The following ADK variants were observed in gnomAD, a reference collection of about 807,000 sequenced individuals.
ADK encodes the protein N6,N6-dimethyladenosine kinase.
ADK carries 24 observed loss-of-function variants against 44.7 expected under a neutral mutation model. The ratio of observed to expected loss-of-function variants is 0.54; its 90% CI spans 0.39 to 0.76. The LOEUF (loss-of-function observed/expected upper bound fraction) is 0.76. Among genes scored for constraint, ADK ranks in the 30% least tolerant of loss-of-function variants. ADK has a pLI of 0.00. For synonymous variants in ADK, 128 were observed against 142.6 expected (o/e 0.90, Z 0.73); for missense variants, 321 against 425.1 (o/e 0.76, Z 2.15).
intron 4 of ADK, among the ~76,000 whole-genome samples, chr10:74,346,265 C>CA (rs998349579): frequency 6.6e-6 from 1 of 151,300 alleles, no homozygotes; most frequent in Admixed American, 6.6e-5. Context: ...ATATCATCAC[C>CA]AAAAAAAGTA....
intron 6 of ADK, among the ~76,000 whole-genome samples, chr10:74,478,391 T>TA (rs1294806308): frequency 2.0e-5 from 3 of 152,054 alleles, no homozygotes; most frequent in Non-Finnish European, 4.4e-5. Context: ...AGCTAATTTT[T>TA]AAAAAAAATT....
Position 74,268,417 on chromosome 10 carries a change from T to C in ADK, c.194+43826T>C, listed in dbSNP as rs193294249. Among the ~76,000 whole-genome samples the C allele has an allele frequency of 7.9e-5, 12 of 152,314 alleles. No homozygotes were observed. In the East Asian group the frequency reaches 2.3e-3, roughly 29 times the overall value. On this transcript the variant is annotated intron_variant, in intron 3 of 10. Coordinates refer to ENST00000539909, the MANE Select transcript of ADK (RefSeq NM_006721.4). ...GATTTTATTTCACTAGAATTTGTTT[T>C]TACTTTAATCTCATTTGTGCTACTT...
intron 6 of ADK, 96 bp downstream of exon 6, chr10:74,398,675 A>G: frequency 1.5e-6 from 1 of 666,032 alleles, no homozygotes. Flanking sequence ...TCTTTTATTT[A>G]CCCTGCAAAT....
chr10:74,213,952 T>A (rs898235129), intron 2 of ADK, among the ~76,000 whole-genome samples: 8 of 152,242 alleles, frequency 5.3e-5, no homozygotes, highest in Admixed American at 5.2e-4. Flanking sequence ...CTAGTCATTT[T>A]GAACAATTAT....
intron 3 of ADK, among the ~76,000 whole-genome samples, chr10:74,303,588 G>GTTTTTTGT (rs1840141336): frequency 5.8e-5 from 4 of 68,576 alleles, no homozygotes; most frequent in Non-Finnish European, 9.7e-5. Context: ...TTTTAATGTT[G>GTTTTTTGT]TTTTTTTTTT....
intron 1 of ADK, among the ~76,000 whole-genome samples, chr10:74,185,514 CA>C (rs1842715107): frequency 7.3e-6 from 1 of 137,124 alleles, no homozygotes; most frequent in Non-Finnish European, 1.6e-5. Flanking sequence ...AAAATGCCAA[CA>C]ATATAATTTT....
At chr10:74,299,493 C>G (rs1037697604) in intron 3 of ADK, among the ~76,000 whole-genome samples, 6 of 100,088 alleles carry the variant, frequency 6.0e-5, no homozygotes, top group African/African-American at 1.9e-4. Flanking sequence ...CAGCAAGACT[C>G]TGTCTCAAAA....
intron 4 of ADK, among the ~76,000 whole-genome samples, chr10:74,354,473 G>A (rs1285568199): frequency 6.6e-6 from 1 of 152,106 alleles, no homozygotes; most frequent in East Asian, 1.9e-4. Flanking sequence ...ATTACAACAA[G>A]TATTGGTTTT....
intron 4 of ADK, among the ~76,000 whole-genome samples, chr10:74,341,664 A>G (rs1410454900): frequency 2.6e-5 from 4 of 152,020 alleles, no homozygotes; most frequent in Non-Finnish European, 5.9e-5. Context: ...AATCCAGTGT[A>G]TGTTGGCTCT....
At chr10:74,361,391 T>C (rs1842332046) in intron 4 of ADK, among the ~76,000 whole-genome samples, 1 of 152,230 alleles carries the variant, frequency 6.6e-6, no homozygotes, top group Non-Finnish European at 1.5e-5. Flanking sequence ...TTATTGCTTT[T>C]TATCCATTTT....
intron 1 of ADK, among the ~76,000 whole-genome samples, chr10:74,198,041 A>C (rs942096582): frequency 2.0e-5 from 3 of 152,222 alleles, no homozygotes; most frequent in Admixed American, 1.3e-4. Flanking sequence ...CTGGATGCTT[A>C]CAAACGGTGA....
chr10:74,645,181 CTG>C (rs1854011858), intron 9 of ADK, among the ~76,000 whole-genome samples: 2 of 152,188 alleles, frequency 1.3e-5, no homozygotes, highest in South Asian at 4.1e-4. Context: ...GGCAAATGTA[CTG>C]TCTTTTATCC....
intron 7 of ADK, among the ~76,000 whole-genome samples, chr10:74,548,019 C>G (rs1455282958): frequency 1.3e-5 from 2 of 152,112 alleles, no homozygotes; most frequent in Non-Finnish European, 2.9e-5. Flanking sequence ...GTCTCGATCT[C>G]CTGACCTTGT....
chr10:74,655,654 C>A (rs1249461635), intron 9 of ADK: 8 of 448,586 alleles, frequency 1.8e-5, no homozygotes, highest in African/African-American at 1.2e-4. Flanking sequence ...CCAGAGCAGC[C>A]AGGAAGACCC....
At chr10:74,341,011 A>G (rs1841564936) in intron 4 of ADK, among the ~76,000 whole-genome samples, 1 of 152,196 alleles carries the variant, frequency 6.6e-6, no homozygotes, top group African/African-American at 2.4e-5. Context: ...ATCTATCATT[A>G]TCCTTTATGT....
chr10:74,708,787 A>G lies in ADK; in HGVS notation c.*342A>G, dbSNP rs1000144682. On this transcript the variant is annotated 3_prime_UTR_variant, in exon 11 of 11. Coordinates refer to ENST00000539909, the MANE Select transcript of ADK (RefSeq NM_006721.4). ...TTGTTTTTTTACATTTCTGCTTTGA[A>G]TGCAGATGCAATTTAATATAATAGA... The G allele has an allele frequency of 1.6e-5, 4 of 246,576 alleles. No homozygotes were observed. Among genetic ancestry groups the G allele is most frequent in the African/African-American group, 9.2e-5 (4 of 43,470 alleles). 15.3% of individuals were successfully genotyped at this position (246,576 alleles called of 1,614,324 possible). A position where few individuals can be genotyped will look rare whatever the true frequency, so the allele number is the denominator to read the frequency against.
At chr10:74,274,739 TATATATATACACACAC>T (rs1346226634) in intron 3 of ADK, among the ~76,000 whole-genome samples, 2 of 126,920 alleles carry the variant, frequency 1.6e-5, no homozygotes, top group Admixed American at 1.7e-4. Context: ...TGTGTATATA[TATATATATACACACAC>T]ACATTATATA....
chr10:74,530,129 G>A (rs756737474), intron 7 of ADK, among the ~76,000 whole-genome samples: 3 of 151,864 alleles, frequency 2.0e-5, no homozygotes, highest in South Asian at 2.1e-4. Context: ...AAATTATATC[G>A]TATTTGATTA....
chr10:74,485,462 A>AAAATAAATAAATAAAT (rs200618866), intron 6 of ADK, among the ~76,000 whole-genome samples: 18 of 144,028 alleles, frequency 1.2e-4, no homozygotes, highest in African/African-American at 4.7e-4. Context: ...ACCCTGTCTC[A>AAAATAAATAAATAAAT]AAATAAATAA....
Sources: gnomAD v4.1 joint callset for allele counts (sites outside exome capture counted in the v4.1 genomes callset) on GRCh38, gnomAD v4.1.1 for gene constraint, MANE v1.5 for transcripts, NCBI Gene and HGNC (gene_info 2026-07-23, HGNC 2026-07-21) for gene names.